GFRA1: variants seen among roughly 807,000 people sequenced by gnomAD.
GFRA1 encodes GDNF family receptor alpha 1, also known as GDNF family receptor alpha-1.
Under a neutral mutation model 51.6 loss-of-function variants are expected in GFRA1, and 16 were observed. That is an observed-to-expected ratio of 0.31 (90% confidence interval 0.21 to 0.47). GFRA1 has a LOEUF of 0.47. Among genes scored for constraint, GFRA1 ranks in the 20% least tolerant of loss-of-function variants. The pLI is 1.00. For synonymous variants in GFRA1, 270 were observed against 241.3 expected (o/e 1.12, Z -1.10); for missense variants, 530 against 594.3 (o/e 0.89, Z 1.13).
chr10:116,109,350 A>T (rs367730006), intron 6 of GFRA1, among the ~76,000 whole-genome samples: 76 of 152,320 alleles, frequency 5.0e-4, no homozygotes, highest in African/African-American at 1.5e-3. Flanking sequence ...GCAGAAGCCC[A>T]AATCTGATTT....
At position 116,061,246 on chromosome 10, in the gene GFRA1, T is replaced by TTAA. The variant is rs373364535; in HGVS notation, c.*3151_*3152insTTA. Reference sequence around the variant, plus strand: ...TTCTTACTACAGCACAAAAGTCTGTTAAAAAAAAAAAAAAAGAAATGGAAA... The same window carrying TTAA: ...TTCTTACTACAGCACAAAAGTCTGTTTAAAAAAAAAAAAAAAAAGAAATGGAAA... On this transcript the variant is annotated 3_prime_UTR_variant, in exon 11 of 11. Transcript: ENST00000355422. The TTAA allele has an allele frequency of 5.7e-5, 8 of 140,038 alleles. No individual in the cohort carries two copies. The highest frequency in any genetic ancestry group is 1.8e-4 in the African/African-American group (7 of 38,050). The allele number at this position is 140,038 out of a possible 1,614,324, so 8.7% of individuals were successfully genotyped here.
At chr10:116,096,805 T>A in intron 6 of GFRA1, 41 bp from the exon 7 acceptor site, 1 of 1,073,842 alleles carries the variant, frequency 9.3e-7, no homozygotes, top group Non-Finnish European at 1.4e-6. Flanking sequence ...AAATGTGCTT[T>A]AAAACATCCT....
At chr10:116,162,601 G>A (rs941268790) in intron 5 of GFRA1, among the ~76,000 whole-genome samples, 6 of 152,188 alleles carry the variant, frequency 3.9e-5, no homozygotes, top group South Asian at 2.1e-4. Flanking sequence ...ACATGCACTT[G>A]GACACTGTAC....
At chr10:116,093,132 C>A (rs918487522) in intron 8 of GFRA1, among the ~76,000 whole-genome samples, 2 of 152,168 alleles carry the variant, frequency 1.3e-5, no homozygotes, top group Non-Finnish European at 2.9e-5. Flanking sequence ...ACGGGCATCC[C>A]GAGCCTCCTG....
At chr10:116,128,106 C>T (rs1364543657) in intron 5 of GFRA1, among the ~76,000 whole-genome samples, 3 of 152,188 alleles carry the variant, frequency 2.0e-5, no homozygotes, top group African/African-American at 7.2e-5. Context: ...CTCAGTAATA[C>T]AGGCCTGCCA....
At chr10:116,168,324 C>T (rs1960696993) in intron 5 of GFRA1, among the ~76,000 whole-genome samples, 1 of 152,056 alleles carries the variant, frequency 6.6e-6, no homozygotes, top group Non-Finnish European at 1.5e-5. Flanking sequence ...CTGCCCTCTC[C>T]CGCTACCATG....
At chr10:116,139,842 G>C (rs1464820130) in intron 5 of GFRA1, among the ~76,000 whole-genome samples, 1 of 152,246 alleles carries the variant, frequency 6.6e-6, no homozygotes, top group African/African-American at 2.4e-5. Context: ...TGCACTAAAT[G>C]GATGAGGCTC....
intron 5 of GFRA1, among the ~76,000 whole-genome samples, chr10:116,178,476 C>T (rs1476204688): frequency 5.9e-5 from 9 of 152,200 alleles, no homozygotes; most frequent in African/African-American, 2.2e-4. Flanking sequence ...AGGTACTCGG[C>T]GAGTGTACCA....
At chr10:116,119,575 T>A (rs1271657173) in intron 6 of GFRA1, among the ~76,000 whole-genome samples, 6 of 152,242 alleles carry the variant, frequency 3.9e-5, no homozygotes, top group African/African-American at 1.4e-4. Flanking sequence ...ACCCATCTAG[T>A]TTTAGGCATT....
At chr10:116,101,942 G>A (rs1956831928) in intron 6 of GFRA1, among the ~76,000 whole-genome samples, 1 of 152,174 alleles carries the variant, frequency 6.6e-6, no homozygotes. Context: ...ATGTAGAGGG[G>A]TGGAAAACCC....
At chr10:116,125,920 A>G (rs1004765845) in intron 5 of GFRA1, among the ~76,000 whole-genome samples, 1 of 152,214 alleles carries the variant, frequency 6.6e-6, no homozygotes, top group African/African-American at 2.4e-5. Context: ...AACAAATTAT[A>G]TACTTGTTCA....
At chr10:116,124,782 C>T (rs1413324359) in intron 6 of GFRA1, among the ~76,000 whole-genome samples, 1 of 152,040 alleles carries the variant, frequency 6.6e-6, no homozygotes, top group Non-Finnish European at 1.5e-5. Context: ...CTGCTCAGTC[C>T]CTCTCACTGG....
intron 6 of GFRA1, among the ~76,000 whole-genome samples, chr10:116,099,705 T>C (rs1956742230): frequency 6.6e-6 from 1 of 152,216 alleles, no homozygotes; most frequent in African/African-American, 2.4e-5. Flanking sequence ...TGCCATGATA[T>C]AATGATGAAA....
At chr10:116,121,588 TGAGTTG>T (rs1013599296) in intron 6 of GFRA1, among the ~76,000 whole-genome samples, 1 of 152,252 alleles carries the variant, frequency 6.6e-6, no homozygotes, top group Admixed American at 6.5e-5. Flanking sequence ...CTGTAGGCCC[TGAGTTG>T]GAAAATATTA....
At chr10:116,076,542 A>C (rs1955627477) in intron 9 of GFRA1, among the ~76,000 whole-genome samples, 1 of 152,176 alleles carries the variant, frequency 6.6e-6, no homozygotes, top group Non-Finnish European at 1.5e-5. Context: ...GTTCAAAATC[A>C]GCCTGCCCTT....
At chr10:116,223,226 C>A (rs992950841) in intron 4 of GFRA1, among the ~76,000 whole-genome samples, 4 of 152,188 alleles carry the variant, frequency 2.6e-5, no homozygotes, top group African/African-American at 9.6e-5. Context: ...GAGAGAACAT[C>A]TCTAGCAATA....
At chr10:116,258,888 G>C (rs1297487538) in intron 4 of GFRA1, among the ~76,000 whole-genome samples, 1 of 152,160 alleles carries the variant, frequency 6.6e-6, no homozygotes, top group Non-Finnish European at 1.5e-5. Context: ...CATGGGGAAT[G>C]CAACCATTTC....
At chr10:116,184,909 G>C (rs1197639849) in intron 5 of GFRA1, among the ~76,000 whole-genome samples, 1 of 152,190 alleles carries the variant, frequency 6.6e-6, no homozygotes, top group Non-Finnish European at 1.5e-5. Context: ...CAGGACACAG[G>C]CCTTTTTTAG....
chr10:116,074,666 C>T (rs956740740), intron 9 of GFRA1, among the ~76,000 whole-genome samples: 5 of 152,162 alleles, frequency 3.3e-5, no homozygotes, highest in Non-Finnish European at 4.4e-5. Context: ...CCCAAAATGT[C>T]GACTCAGTGC....
Sources: allele counts gnomAD v4.1 joint callset (sites outside exome capture counted in the v4.1 genomes callset), GRCh38; gene constraint gnomAD v4.1.1; transcripts MANE v1.5; gene names NCBI Gene and HGNC (gene_info 2026-07-23, HGNC 2026-07-21).